The following TNFAIP8 variants were observed in gnomAD, a reference collection of about 807,000 sequenced individuals.
TNFAIP8 encodes TNF alpha induced protein 8.
Under a neutral mutation model 13.3 loss-of-function variants are expected in TNFAIP8, and 7 were observed. That is an observed-to-expected ratio of 0.52 (90% CI 0.30 to 0.99). The LOEUF (loss-of-function observed/expected upper bound fraction) is 0.99. Among genes scored for constraint, TNFAIP8 ranks in the 50% least tolerant of loss-of-function variants. TNFAIP8 has a pLI of 0.07. For missense variants in TNFAIP8, 258 were observed against 236.9 expected, an observed-to-expected ratio of 1.09 and a Z score of -0.58; for synonymous variants, 94 against 87.6, an observed-to-expected ratio of 1.07 and a Z score of -0.41.
intron 1 of TNFAIP8, among the ~76,000 whole-genome samples, chr5:119,277,274 C>T (rs1191532485): frequency 1.3e-5 from 2 of 152,058 alleles, no homozygotes; most frequent in African/African-American, 4.8e-5. Context: ...TGTATAATCC[C>T]TACAAATTAT....
At chr5:119,369,743 A>G (rs1042499548) in intron 1 of TNFAIP8, among the ~76,000 whole-genome samples, 6 of 152,196 alleles carry the variant, frequency 3.9e-5, no homozygotes, top group African/African-American at 1.2e-4. Flanking sequence ...TGTATTGTGC[A>G]TATGGGGTGA....
chr5:119,292,685 T>C (rs57644248), intron 1 of TNFAIP8, among the ~76,000 whole-genome samples: 9,807 of 52,338 alleles, frequency 0.19, 1,916 homozygotes, highest in African/African-American at 0.39. Flanking sequence ...TATATATATA[T>C]ACACACACAC....
At chr5:119,315,787 C>T (rs1749876110) in intron 1 of TNFAIP8, among the ~76,000 whole-genome samples, 1 of 152,050 alleles carries the variant, frequency 6.6e-6, no homozygotes. Context: ...GAAGATGAAC[C>T]CCACCTCCAC....
intron 1 of TNFAIP8, among the ~76,000 whole-genome samples, chr5:119,304,351 G>T (rs960890050): frequency 1.3e-5 from 2 of 152,080 alleles, no homozygotes. Context: ...CATATTAAAG[G>T]CCTCTTTATC....
intron 1 of TNFAIP8, among the ~76,000 whole-genome samples, chr5:119,327,771 G>A (rs1273625690): frequency 6.6e-6 from 1 of 152,066 alleles, no homozygotes; most frequent in South Asian, 2.1e-4. Flanking sequence ...GTTATCTTAA[G>A]CTTTACAGCA....
At chr5:119,360,112 T>A (rs1283685691) in intron 1 of TNFAIP8, among the ~76,000 whole-genome samples, 1 of 152,234 alleles carries the variant, frequency 6.6e-6, no homozygotes. Context: ...ATATTGAATA[T>A]GCATCCTACC....
intron 1 of TNFAIP8, among the ~76,000 whole-genome samples, chr5:119,357,207 A>G (rs1751463250): frequency 6.6e-6 from 1 of 152,176 alleles, no homozygotes; most frequent in African/African-American, 2.4e-5. Flanking sequence ...TGTGAGGGAA[A>G]TAGTCAATAA....
intron 1 of TNFAIP8, among the ~76,000 whole-genome samples, chr5:119,325,807 CCT>C (rs1387444745): frequency 1.3e-5 from 2 of 152,156 alleles, no homozygotes; most frequent in Non-Finnish European, 2.9e-5. Context: ...CACACCAGCC[CCT>C]GTCCCCTCCT....
chr5:119,313,475 G>T (rs1454340024), intron 1 of TNFAIP8, among the ~76,000 whole-genome samples: 2 of 152,126 alleles, frequency 1.3e-5, no homozygotes, highest in Non-Finnish European at 2.9e-5. Context: ...CAAATCCAGA[G>T]ATGTTATACT....
At chr5:119,351,232 G>T (rs1751128979), upstream of TNFAIP8, among the ~76,000 whole-genome samples, 2 of 152,022 alleles carry the variant, frequency 1.3e-5, no homozygotes, top group Non-Finnish European at 2.9e-5. Flanking sequence ...TCTCTATGTT[G>T]TCCAAGCTGG....
chr5:119,346,375 G>A (rs1487227731), intron 1 of TNFAIP8, among the ~76,000 whole-genome samples: 1 of 152,100 alleles, frequency 6.6e-6, no homozygotes, highest in Admixed American at 6.5e-5. Flanking sequence ...CCGGAACCAG[G>A]AAGGAAAACT....
intron 1 of TNFAIP8, among the ~76,000 whole-genome samples, chr5:119,381,254 G>A (rs920152969): frequency 1.3e-5 from 2 of 152,172 alleles, no homozygotes; most frequent in African/African-American, 4.8e-5. Flanking sequence ...TGAAAACCAA[G>A]TATTGGCTGG....
At chr5:119,287,439 C>T (rs1554167974) in intron 1 of TNFAIP8, among the ~76,000 whole-genome samples, 5 of 151,976 alleles carry the variant, frequency 3.3e-5, no homozygotes, top group African/African-American at 7.3e-5. Context: ...ACATAGTTAC[C>T]GTGTGTGTGT....
intron 1 of TNFAIP8, among the ~76,000 whole-genome samples, chr5:119,329,343 A>AC (rs1750309100): frequency 6.6e-6 from 1 of 152,166 alleles, no homozygotes; most frequent in Admixed American, 6.5e-5. Context: ...TCCCACACTT[A>AC]CCTTTTGTGC....
chr5:119,321,379 A>C (rs1418991762), intron 1 of TNFAIP8, among the ~76,000 whole-genome samples: 1 of 147,348 alleles, frequency 6.8e-6, no homozygotes, highest in African/African-American at 2.6e-5. Flanking sequence ...AATCTGGATG[A>C]TTTCTAGTCC....
At chr5:119,282,898 A>G (rs138937382) in intron 1 of TNFAIP8, among the ~76,000 whole-genome samples, 169 of 152,328 alleles carry the variant, frequency 1.1e-3, no homozygotes, top group African/African-American at 3.1e-3. Flanking sequence ...TGTGACCCAG[A>G]TGCATTTTGC....
chr5:119,305,863 G>T (rs2112660480), intron 1 of TNFAIP8, among the ~76,000 whole-genome samples: 1 of 152,276 alleles, frequency 6.6e-6, no homozygotes, highest in African/African-American at 2.4e-5. Context: ...AGGGCCACAG[G>T]GTGAGCAACA....
At chr5:119,279,348 C>A (rs1748560997) in intron 1 of TNFAIP8, among the ~76,000 whole-genome samples, 1 of 152,200 alleles carries the variant, frequency 6.6e-6, no homozygotes, top group Non-Finnish European at 1.5e-5. Flanking sequence ...CCTCTCCAAC[C>A]AGTCTGGTTC....
intron 1 of TNFAIP8, among the ~76,000 whole-genome samples, chr5:119,295,327 C>T (rs1044399986): frequency 6.6e-6 from 1 of 151,426 alleles, no homozygotes; most frequent in African/African-American, 2.4e-5. Context: ...GGAAGGGATC[C>T]AGTTTCAGCT....
Sources: allele counts gnomAD v4.1 joint callset (sites outside exome capture counted in the v4.1 genomes callset), GRCh38; gene constraint gnomAD v4.1.1; transcripts MANE v1.5; gene names NCBI Gene and HGNC (gene_info 2026-07-23, HGNC 2026-07-21).